The following RAB33B variants were observed in gnomAD, a reference collection of about 807,000 sequenced individuals.
RAB33B encodes the protein ras-related protein Rab-33B.
A neutral mutation model predicts 15.0 loss-of-function variants in RAB33B; 6 were observed. That is an observed-to-expected ratio of 0.40 (90% CI 0.22 to 0.79). The LOEUF is 0.79. Ranked by LOEUF, RAB33B falls within the 30% of genes least tolerant of loss-of-function variation. The probability of loss-of-function intolerance (pLI) is 0.37; values close to 1 mark genes in which losing one functional copy is unlikely to be tolerated. For synonymous variants in RAB33B, 117 were observed against 108.3 expected (o/e 1.08, Z -0.50); for missense variants, 257 against 296.4 (o/e 0.87, Z 0.98).
At chr4:139,461,685 AT>A (rs1345996889) in intron 1 of RAB33B, among the ~76,000 whole-genome samples, 1 of 151,996 alleles carries the variant, frequency 6.6e-6, no homozygotes, top group Non-Finnish European at 1.5e-5. Flanking sequence ...AATTGTGTGT[AT>A]TTTTTCCTCT....
chr4:139,471,522 GTT>G (rs568722111), intron 1 of RAB33B, among the ~76,000 whole-genome samples: 11 of 135,626 alleles, frequency 8.1e-5, no homozygotes, highest in African/African-American at 8.0e-5. Context: ...TTCTTATGAA[GTT>G]TTTTTTTTTT....
upstream of RAB33B, chr4:139,449,099 C>CTCATTTACTCTAATAGAGGCCTCT (rs1579168087): frequency 6.6e-6 from 1 of 150,758 alleles, no homozygotes; most frequent in African/African-American, 2.4e-5. Flanking sequence ...TGTCAAAAGC[C>CTCATTTACTCTAATAGAGGCCTCT]ATTACTCATC....
chr4:139,470,536 G>C (rs1433509115), intron 1 of RAB33B, among the ~76,000 whole-genome samples: 1 of 152,052 alleles, frequency 6.6e-6, no homozygotes, highest in Non-Finnish European at 1.5e-5. Context: ...CCCCCCTGTG[G>C]CCATGCTGGT....
intron 1 of RAB33B, among the ~76,000 whole-genome samples, chr4:139,458,834 C>T (rs778136493): frequency 5.3e-5 from 8 of 152,124 alleles, no homozygotes; most frequent in Non-Finnish European, 1.2e-4. Flanking sequence ...GGAATCACAC[C>T]ACTTTCCACA....
chr4:139,441,354 G>A, the RAB33B span, among the ~76,000 whole-genome samples: 1 of 152,168 alleles, frequency 6.6e-6, no homozygotes, highest in Non-Finnish European at 1.5e-5. Flanking sequence ...TGAATATAGG[G>A]AGGAACAGAG....
chr4:139,461,097 A>G (rs536072920), intron 1 of RAB33B, among the ~76,000 whole-genome samples: 1 of 152,322 alleles, frequency 6.6e-6, no homozygotes, highest in African/African-American at 2.4e-5. Flanking sequence ...TTATTTTTTC[A>G]TATAACTAAA....
upstream of RAB33B, chr4:139,450,049 T>A: frequency 6.6e-6 from 1 of 152,328 alleles, no homozygotes; most frequent in South Asian, 2.1e-4. Context: ...TCACTAACGG[T>A]TCCATATTAA....
upstream of RAB33B, chr4:139,448,923 AGTGT>A (rs144215807): frequency 0.013 from 1,837 of 144,028 alleles, 12 homozygotes; most frequent in Non-Finnish European, 0.019. Flanking sequence ...TCTGGTTGTG[AGTGT>A]GTGTGAGTGT....
chr4:139,439,427 G>A, the RAB33B span, among the ~76,000 whole-genome samples: 1 of 152,204 alleles, frequency 6.6e-6, no homozygotes, highest in Admixed American at 6.5e-5. Flanking sequence ...AGGATCATTT[G>A]TATGCGAAGA....
At chr4:139,465,724 T>C (rs1750271408) in intron 1 of RAB33B, among the ~76,000 whole-genome samples, 2 of 143,234 alleles carry the variant, frequency 1.4e-5, no homozygotes, top group South Asian at 4.3e-4. Context: ...TTCTTCTTCT[T>C]TTTTTTTTTT....
At chr4:139,472,018 T>C (rs1037245292) in intron 1 of RAB33B, among the ~76,000 whole-genome samples, 2 of 152,216 alleles carry the variant, frequency 1.3e-5, no homozygotes, top group Non-Finnish European at 2.9e-5. Context: ...ACCATAGATA[T>C]ATGGGTTCAC....
At chr4:139,470,375 T>C (rs1236964547) in intron 1 of RAB33B, among the ~76,000 whole-genome samples, 1 of 152,206 alleles carries the variant, frequency 6.6e-6, no homozygotes, top group African/African-American at 2.4e-5. Flanking sequence ...CCACCAATGT[T>C]CCTTTAAGGC....
the RAB33B span, among the ~76,000 whole-genome samples, chr4:139,439,194 G>A: frequency 6.6e-6 from 1 of 152,088 alleles, no homozygotes; most frequent in East Asian, 1.9e-4. Context: ...TAGAGATGGG[G>A]TTTCACTGTG....
chr4:139,460,158 A>G (rs1750144772), intron 1 of RAB33B, among the ~76,000 whole-genome samples: 1 of 152,218 alleles, frequency 6.6e-6, no homozygotes, highest in South Asian at 2.1e-4. Context: ...AGTCTGGGTG[A>G]CAGGAGGTAG....
chr4:139,472,103 T>C (rs1202662555), intron 1 of RAB33B, among the ~76,000 whole-genome samples: 1 of 152,246 alleles, frequency 6.6e-6, no homozygotes, highest in Non-Finnish European at 1.5e-5. Flanking sequence ...TTGATTACTG[T>C]AGCTTTGTAG....
intron 1 of RAB33B, among the ~76,000 whole-genome samples, chr4:139,456,331 A>G (rs778360137): frequency 2.0e-5 from 3 of 152,090 alleles, no homozygotes; most frequent in Non-Finnish European, 4.4e-5. Context: ...AGTGGAGAGA[A>G]TGAGGGTGGG....
intron 1 of RAB33B, among the ~76,000 whole-genome samples, chr4:139,459,494 T>C (rs1750129042): frequency 6.6e-6 from 1 of 152,138 alleles, no homozygotes; most frequent in African/African-American, 2.4e-5. Flanking sequence ...ATGAACTCTT[T>C]TAGCACCTTA....
upstream of RAB33B, chr4:139,454,118 C>T (rs1417966352): frequency 5.4e-6 from 8 of 1,488,012 alleles, no homozygotes; most frequent in Non-Finnish European, 7.2e-6. Context: ...CGGCTGGGCG[C>T]GCGCTCTTGC....
At chr4:139,468,256 C>T (rs1337696187) in intron 1 of RAB33B, among the ~76,000 whole-genome samples, 1 of 152,196 alleles carries the variant, frequency 6.6e-6, no homozygotes, top group Non-Finnish European at 1.5e-5. Context: ...TTGAGACTTA[C>T]TCACTGTCAT....
Sources: gnomAD v4.1 joint callset for allele counts (sites outside exome capture counted in the v4.1 genomes callset) on GRCh38, gnomAD v4.1.1 for gene constraint, MANE v1.5 for transcripts, NCBI Gene and HGNC (gene_info 2026-07-23, HGNC 2026-07-21) for gene names.